Variants in CLVS1 observed in about 807,000 individuals in gnomAD.
The protein encoded by CLVS1 is clavesin 1.
In CLVS1, 10 loss-of-function variants were observed where a neutral mutation model predicts 33.1. The ratio of observed to expected loss-of-function variants is 0.30; its 90% confidence interval spans 0.19 to 0.51. CLVS1 has a LOEUF of 0.51. CLVS1 is among the 20% of genes least tolerant of loss of function. CLVS1 has a pLI of 0.97. For missense variants in CLVS1, 343 were observed against 433.4 expected (o/e 0.79, Z 1.85); for synonymous variants, 163 against 166.1 (o/e 0.98, Z 0.14).
chr8:61,273,305 G>T (rs1395679190), intron 2 of CLVS1, among the ~76,000 whole-genome samples: 1 of 152,204 alleles, frequency 6.6e-6, no homozygotes, highest in East Asian at 1.9e-4. Context: ...GGTTGCTCGG[G>T]GGTCAGGGTT....
chr8:61,408,346 A>C (rs550246796), intron 3 of CLVS1, among the ~76,000 whole-genome samples: 1 of 152,342 alleles, frequency 6.6e-6, no homozygotes, highest in African/African-American at 2.4e-5. Flanking sequence ...ACAGGGGAAA[A>C]GGCAAGTGCA....
At chr8:61,135,214 C>T (rs920696008) in intron 2 of CLVS1, among the ~76,000 whole-genome samples, 7 of 152,010 alleles carry the variant, frequency 4.6e-5, no homozygotes, top group South Asian at 2.1e-4. Context: ...AGGCAGCCTT[C>T]GGACTTGGTG....
At position 61,501,359 on chromosome 8, in the gene CLVS1, A is replaced by ATACT. The variant is rs1213123916; in HGVS notation, c.*1820_*1823dup. ...ACCATTTCTAGCTTTTCAATTGGCA[A>ATACT]TACTTAGAACCTTACTGTAGTGACC... On this transcript the variant is annotated 3_prime_UTR_variant, in exon 6 of 6. Transcript: ENST00000325897. The ATACT allele has an allele frequency of 6.6e-6, 1 of 152,204 alleles. No individual in the cohort carries two copies. Among genetic ancestry groups the ATACT allele is most frequent in the Non-Finnish European group, 1.5e-5 (1 of 68,018 alleles). The allele number at this position is 152,204 out of a possible 1,614,324, so 9.4% of individuals were successfully genotyped here. A position where few individuals can be genotyped will look rare whatever the true frequency, so the allele number is the denominator to read the frequency against.
At chr8:61,246,737 T>C (rs1172006321) in intron 2 of CLVS1, among the ~76,000 whole-genome samples, 1 of 152,176 alleles carries the variant, frequency 6.6e-6, no homozygotes, top group Non-Finnish European at 1.5e-5. Context: ...CAGAAAATGT[T>C]TTCATTTTTC....
chr8:61,282,337 G>A (rs140174811), intron 2 of CLVS1, among the ~76,000 whole-genome samples: 1 of 152,286 alleles, frequency 6.6e-6, no homozygotes, highest in East Asian at 1.9e-4. Context: ...AAGAGAAGAA[G>A]AAGCAGCTGG....
chr8:61,212,542 T>C (rs1239517472), intron 2 of CLVS1, among the ~76,000 whole-genome samples: 1 of 151,742 alleles, frequency 6.6e-6, no homozygotes, highest in Non-Finnish European at 1.5e-5. Context: ...GGAATACACA[T>C]GGTAAGGTGT....
intron 2 of CLVS1, among the ~76,000 whole-genome samples, chr8:61,330,543 G>A (rs1055381710): frequency 3.0e-4 from 45 of 152,164 alleles, no homozygotes; most frequent in African/African-American, 1.1e-3. Flanking sequence ...TTCACCTTCA[G>A]CAGTGATGGG....
chr8:61,468,735 A>AGAAAAG lies in CLVS1; in HGVS notation c.977+10193_977+10194insGAAAAG, dbSNP rs1554578172. Among the ~76,000 whole-genome samples the AGAAAAG allele has an allele frequency of 1.5e-3, 209 of 138,772 alleles. 5 individuals are homozygous for AGAAAAG. Among genetic ancestry groups the AGAAAAG allele is most frequent in the African/African-American group, 6.1e-3 (201 of 32,692 alleles). 91.0% of individuals were successfully genotyped at this position (138,772 alleles called of 152,430 possible). A position where few individuals can be genotyped will look rare whatever the true frequency, so the allele number is the denominator to read the frequency against. Reference sequence around the variant, plus strand: ...AAGTACTAAAAAAAAAAAAAAAAAAAAAAAGGTAGTTACTATGTGCTATTT... The same window carrying AGAAAAG: ...AAGTACTAAAAAAAAAAAAAAAAAAAGAAAAGAAAAGGTAGTTACTATGTGCTATTT... On this transcript the variant is annotated intron_variant, in intron 5 of 5. Transcript: ENST00000325897.
At chr8:61,263,755 G>C (rs1048618996) in intron 2 of CLVS1, among the ~76,000 whole-genome samples, 4 of 152,148 alleles carry the variant, frequency 2.6e-5, no homozygotes, top group African/African-American at 7.2e-5. Context: ...AGAGCCTTAG[G>C]CAAGCTATTT....
chr8:61,210,798 A>T (rs1807954512), intron 2 of CLVS1, among the ~76,000 whole-genome samples: 1 of 152,248 alleles, frequency 6.6e-6, no homozygotes, highest in Non-Finnish European at 1.5e-5. Context: ...TACTACAGGT[A>T]ACACTAGGAC....
intron 3 of CLVS1, among the ~76,000 whole-genome samples, chr8:61,414,406 G>GTTTT (rs5891802): frequency 8.2e-5 from 12 of 145,618 alleles, no homozygotes; most frequent in African/African-American, 3.0e-4. Context: ...TACCGAAATT[G>GTTTT]TTTTTTTTTT....
intron 2 of CLVS1, among the ~76,000 whole-genome samples, chr8:61,152,541 A>G (rs1010188200): frequency 2.0e-5 from 3 of 152,108 alleles, no homozygotes; most frequent in Non-Finnish European, 4.4e-5. Flanking sequence ...CGTCCTCACA[A>G]GGCAGAAAGG....
intron 5 of CLVS1, among the ~76,000 whole-genome samples, chr8:61,468,757 A>G (rs1164143886): frequency 3.4e-5 from 5 of 146,510 alleles, no homozygotes; most frequent in South Asian, 4.4e-4. Flanking sequence ...ACTATGTGCT[A>G]TTTCAGCCTC....
intron 2 of CLVS1, among the ~76,000 whole-genome samples, chr8:61,248,709 G>A (rs75727596): frequency 0.076 from 11,573 of 151,922 alleles, 596 homozygotes; most frequent in East Asian, 0.16. Flanking sequence ...TGTAGACAAT[G>A]CTTAGAGTGC....
chr8:60,967,757 G>A, the CLVS1 span: 16 of 451,688 alleles, frequency 3.5e-5, no homozygotes, highest in Admixed American at 2.9e-4. Context: ...TGCCACCACC[G>A]GCATCCCTTT....
intron 1 of CLVS1, among the ~76,000 whole-genome samples, chr8:61,083,214 A>G (rs1433827234): frequency 2.0e-5 from 3 of 152,214 alleles, no homozygotes; most frequent in African/African-American, 7.2e-5. Context: ...CTCGGTAACT[A>G]TACGTGCCAC....
At chr8:61,165,729 C>A (rs976025638) in intron 2 of CLVS1, among the ~76,000 whole-genome samples, 27 of 152,182 alleles carry the variant, frequency 1.8e-4, no homozygotes, top group African/African-American at 6.5e-4. Flanking sequence ...AACCTGCACC[C>A]CGACCACCTT....
intron 2 of CLVS1, among the ~76,000 whole-genome samples, chr8:61,324,774 C>T (rs1197561795): frequency 2.0e-5 from 3 of 152,064 alleles, no homozygotes; most frequent in African/African-American, 7.2e-5. Context: ...GTATTTCTGC[C>T]TCTAGGTCTT....
intron 5 of CLVS1, among the ~76,000 whole-genome samples, chr8:61,470,773 G>A (rs1031285571): frequency 1.3e-5 from 2 of 152,186 alleles, no homozygotes; most frequent in African/African-American, 4.8e-5. Flanking sequence ...TACCATGGTT[G>A]AATTTCTTTT....
Sources: allele counts gnomAD v4.1 joint callset (sites outside exome capture counted in the v4.1 genomes callset), GRCh38; gene constraint gnomAD v4.1.1; transcripts MANE v1.5; gene names NCBI Gene and HGNC (gene_info 2026-07-23, HGNC 2026-07-21).